GNA14: variants seen among roughly 807,000 people sequenced by gnomAD.
GNA14 encodes guanine nucleotide-binding protein subunit alpha-14.
A neutral mutation model predicts 42.0 loss-of-function variants in GNA14; 50 were observed. The observed-to-expected ratio is 1.19, with a 90% confidence interval of 0.95 to 1.51. GNA14 has a LOEUF of 1.51. Ranked by LOEUF, GNA14 falls within the 40% of genes most tolerant of loss-of-function variation. GNA14 has a pLI of 0.00. For missense variants in GNA14, 473 were observed against 446.2 expected (o/e 1.06, Z -0.54); for synonymous variants, 173 against 163.1 (o/e 1.06, Z -0.46).
At chr9:77,646,435 C>A (rs1449003125) in intron 1 of GNA14, among the ~76,000 whole-genome samples, 1 of 146,868 alleles carries the variant, frequency 6.8e-6, no homozygotes, top group Admixed American at 6.7e-5. Context: ...GGGAGGGGCA[C>A]ACCCCCCCCC....
At chr9:77,624,356 A>G (rs968461723) in intron 1 of GNA14, among the ~76,000 whole-genome samples, 1 of 152,148 alleles carries the variant, frequency 6.6e-6, no homozygotes, top group African/African-American at 2.4e-5. Context: ...CAGCAAACTT[A>G]AATGTTCCTG....
At chr9:77,609,312 A>G (rs976030383) in intron 1 of GNA14, among the ~76,000 whole-genome samples, 1 of 152,126 alleles carries the variant, frequency 6.6e-6, no homozygotes, top group African/African-American at 2.4e-5. Context: ...CCTCACCAGA[A>G]CCGCTTTTAA....
intron 2 of GNA14, among the ~76,000 whole-genome samples, chr9:77,436,674 T>C (rs951460791): frequency 1.6e-4 from 25 of 152,168 alleles, no homozygotes; most frequent in Non-Finnish European, 2.9e-5. Context: ...AGCTCTACTC[T>C]CTCAATGTAA....
At chr9:77,542,258 T>G (rs1338630694) in intron 1 of GNA14, among the ~76,000 whole-genome samples, 1 of 152,194 alleles carries the variant, frequency 6.6e-6, no homozygotes, top group African/African-American at 2.4e-5. Context: ...GGCTTTGATT[T>G]TGGGTGCATG....
At chr9:77,551,370 G>T (rs2131781880) in intron 1 of GNA14, among the ~76,000 whole-genome samples, 1 of 152,146 alleles carries the variant, frequency 6.6e-6, no homozygotes, top group African/African-American at 2.4e-5. Context: ...TCCTTTATGT[G>T]GTCAACCACT....
At chr9:77,617,607 G>T (rs1388316189) in intron 1 of GNA14, among the ~76,000 whole-genome samples, 1 of 152,038 alleles carries the variant, frequency 6.6e-6, no homozygotes, top group Non-Finnish European at 1.5e-5. Context: ...TTTTTAAAAA[G>T]ACCATCAAAT....
chr9:77,451,962 T>G (rs1835908725), intron 2 of GNA14, among the ~76,000 whole-genome samples: 1 of 152,322 alleles, frequency 6.6e-6, no homozygotes, highest in Non-Finnish European at 1.5e-5. Flanking sequence ...AGATGTGGTC[T>G]CGTGAAGTCC....
intron 2 of GNA14, among the ~76,000 whole-genome samples, chr9:77,434,912 G>T (rs999687607): frequency 2.0e-5 from 3 of 152,108 alleles, no homozygotes; most frequent in African/African-American, 7.2e-5. Flanking sequence ...AGCCAATGAG[G>T]CCATTTAAAA....
chr9:77,625,932 CA>C (rs1034997145), intron 1 of GNA14, among the ~76,000 whole-genome samples: 14 of 152,032 alleles, frequency 9.2e-5, no homozygotes, highest in Non-Finnish European at 1.9e-4. Context: ...TTAAAAGACA[CA>C]GACTGACCAA....
intron 1 of GNA14, among the ~76,000 whole-genome samples, chr9:77,590,198 T>C (rs1264205303): frequency 1.3e-5 from 2 of 152,190 alleles, no homozygotes; most frequent in South Asian, 2.1e-4. Context: ...ATTACAGGCA[T>C]GAGCCACCGC....
chr9:77,459,012 T>TA (rs1384938280), intron 2 of GNA14, among the ~76,000 whole-genome samples: 3 of 151,782 alleles, frequency 2.0e-5, no homozygotes, highest in African/African-American at 7.3e-5. Flanking sequence ...TTGCTCATGA[T>TA]AAAAAAGTAA....
At chr9:77,579,317 G>A (rs1158467483) in intron 1 of GNA14, among the ~76,000 whole-genome samples, 1 of 152,140 alleles carries the variant, frequency 6.6e-6, no homozygotes, top group Non-Finnish European at 1.5e-5. Context: ...AGGCTACTGG[G>A]AATAAATGCT....
chr9:77,556,976 G>T lies in GNA14; in HGVS notation c.125-27723C>A, dbSNP rs112610393. On this transcript the variant is annotated intron_variant, in intron 1 of 6. Transcript: ENST00000341700. ...ACAAACAGGAAACACATTTATACAA[G>T]AAAAGACATTTTTCCACCCCACACA... is the stretch of plus-strand genomic sequence containing the variant. Among the ~76,000 whole-genome samples, 1,352 of 152,262 alleles carry T rather than the reference G, an allele frequency of 8.9e-3. 19 individuals are homozygous for T. The highest frequency in any genetic ancestry group is 0.03 in the African/African-American group (1,265 of 41,534).
chr9:77,514,904 C>T (rs1033378083), intron 2 of GNA14, among the ~76,000 whole-genome samples: 1 of 152,080 alleles, frequency 6.6e-6, no homozygotes, highest in Non-Finnish European at 1.5e-5. Context: ...TGAGCCACTG[C>T]GCCCAGCCCA....
chr9:77,500,475 A>G (rs766642581), intron 2 of GNA14, among the ~76,000 whole-genome samples: 1 of 152,230 alleles, frequency 6.6e-6, no homozygotes, highest in Non-Finnish European at 1.5e-5. Context: ...TCCAATGGTA[A>G]CATACTACCA....
intron 2 of GNA14, among the ~76,000 whole-genome samples, chr9:77,528,101 T>C (rs1837469803): frequency 6.6e-6 from 1 of 152,186 alleles, no homozygotes; most frequent in African/African-American, 2.4e-5. Context: ...TCCTATGTAA[T>C]CCCATAGAAA....
intron 2 of GNA14, among the ~76,000 whole-genome samples, chr9:77,475,523 AGT>A (rs1454571810): frequency 6.6e-6 from 1 of 151,990 alleles, no homozygotes; most frequent in African/African-American, 2.4e-5. Flanking sequence ...TCGGTAAAAC[AGT>A]AGAGAGAGCT....
At chr9:77,439,979 G>T (rs1835704409) in intron 2 of GNA14, among the ~76,000 whole-genome samples, 1 of 152,226 alleles carries the variant, frequency 6.6e-6, no homozygotes, top group Non-Finnish European at 1.5e-5. Context: ...GTGGTTCACG[G>T]AGAGTCCTAG....
At chr9:77,591,915 T>C (rs1168865747) in intron 1 of GNA14, among the ~76,000 whole-genome samples, 1 of 119,312 alleles carries the variant, frequency 8.4e-6, no homozygotes, top group African/African-American at 3.2e-5. Flanking sequence ...TTTTTGTTTT[T>C]TGGTTTTTTT....
Sources: allele counts gnomAD v4.1 joint callset (sites outside exome capture counted in the v4.1 genomes callset), GRCh38; gene constraint gnomAD v4.1.1; transcripts MANE v1.5; gene names NCBI Gene and HGNC (gene_info 2026-07-23, HGNC 2026-07-21).